DCDC2C: variants seen among roughly 807,000 people sequenced by gnomAD.
DCDC2C encodes doublecortin domain-containing protein 2C.
A neutral mutation model predicts 45.0 loss-of-function variants in DCDC2C; 44 were observed. The observed-to-expected ratio is 0.98, with a 90% CI of 0.77 to 1.26. The LOEUF (loss-of-function observed/expected upper bound fraction) is 1.26. Among genes scored for constraint, DCDC2C ranks in the 50% most tolerant of loss-of-function variants. The probability of loss-of-function intolerance (pLI) is 0.00; values close to 1 mark genes in which losing one functional copy is unlikely to be tolerated. For synonymous variants in DCDC2C, 187 were observed against 178.8 expected (o/e 1.05, Z -0.37); for missense variants, 447 against 468.9 (o/e 0.95, Z 0.43).
At chr2:3,795,019 A>G (rs1670917666) in intron 10 of DCDC2C, among the ~76,000 whole-genome samples, 1 of 152,172 alleles carries the variant, frequency 6.6e-6, no homozygotes, top group South Asian at 2.1e-4. Context: ...CATCCTGTCC[A>G]GCACCTGTTG....
rs1467170257 is a variant in DCDC2C at position 3,780,395 on chromosome 2, G to A, written c.1023+1511G>A. ...TTTGTCATCTGTGCTTAACTGACTT[G>A]TTACGGAAATCTACTCAGGCTGCTG... On this transcript the variant is annotated intron_variant, in intron 9 of 10. Transcript: ENST00000399143. Among the ~76,000 whole-genome samples, 7 of 152,228 alleles carry A rather than the reference G, an allele frequency of 4.6e-5. No individual in the cohort carries two copies. The East Asian group carries it at 1.3e-3, about 29-fold the overall frequency.
chr2:3,725,463 T>TG (rs1668623767), intron 2 of DCDC2C, among the ~76,000 whole-genome samples: 3 of 103,290 alleles, frequency 2.9e-5, no homozygotes, highest in African/African-American at 9.7e-5. Flanking sequence ...GGGAGGAGGC[T>TG]GCCCGGTGGA....
chr2:3,797,121 T>C (rs2148196851), intron 10 of DCDC2C, among the ~76,000 whole-genome samples: 1 of 152,338 alleles, frequency 6.6e-6, no homozygotes, highest in East Asian at 1.9e-4. Flanking sequence ...TCGAGGAATT[T>C]ATCCATTTCT....
At chr2:3,738,015 G>A (rs184089465) in intron 3 of DCDC2C, among the ~76,000 whole-genome samples, 96 of 151,686 alleles carry the variant, frequency 6.3e-4, no homozygotes, top group African/African-American at 2.3e-3. Flanking sequence ...TCATGCCAAT[G>A]GTAAATATAT....
chr2:3,723,394 G>T (rs1039694410), intron 2 of DCDC2C, among the ~76,000 whole-genome samples: 17 of 152,136 alleles, frequency 1.1e-4, no homozygotes, highest in African/African-American at 4.1e-4. Flanking sequence ...ACTTCTTAAA[G>T]TAAGAGGGGC....
At chr2:3,768,299 T>A (rs1670068248) in intron 7 of DCDC2C, among the ~76,000 whole-genome samples, 1 of 152,220 alleles carries the variant, frequency 6.6e-6, no homozygotes, top group African/African-American at 2.4e-5. Flanking sequence ...GAGCTGGTTT[T>A]AAAATGAGAT....
intron 10 of DCDC2C, among the ~76,000 whole-genome samples, chr2:3,844,889 G>A (rs1205550024): frequency 5.3e-5 from 8 of 152,066 alleles, no homozygotes; most frequent in Non-Finnish European, 1.2e-4. Flanking sequence ...CTTTGCGAAC[G>A]GCACATGTTT....
rs1276085641 is a variant in DCDC2C, at chr2:3,734,653, T to C, written c.417-7267T>C. On this transcript the variant is annotated intron_variant, in intron 3 of 10. Transcript: ENST00000399143. This position sits in a 1 kb window ranked among gnomAD's most constrained non-coding sequence, Gnocchi z 4.2. Reference sequence around the variant, plus strand: ...GTCTAATAGGCGACCCAGTTGCAAATGAGACAGGCAGCCTGGACAAGACTG... The same window carrying C: ...GTCTAATAGGCGACCCAGTTGCAAACGAGACAGGCAGCCTGGACAAGACTG... Among the ~76,000 whole-genome samples, 2 of 152,096 alleles carry C rather than the reference T, an allele frequency of 1.3e-5. No homozygotes were observed. The highest frequency in any genetic ancestry group is 4.8e-5 in the African/African-American group (2 of 41,416).
At chr2:3,755,666 CAT>C (rs1381435268) in intron 6 of DCDC2C, among the ~76,000 whole-genome samples, 2 of 151,528 alleles carry the variant, frequency 1.3e-5, no homozygotes, top group Non-Finnish European at 1.5e-5. Context: ...CATATGGATG[CAT>C]ATGTGTGTGG....
intron 4 of DCDC2C, among the ~76,000 whole-genome samples, chr2:3,747,292 C>G (rs546478912): frequency 6.6e-6 from 1 of 152,302 alleles, no homozygotes; most frequent in South Asian, 2.1e-4. Flanking sequence ...CACAAATGTC[C>G]CTTATCCACT....
chr2:3,718,540 C>G (rs1395695797), intron 2 of DCDC2C, among the ~76,000 whole-genome samples: 2 of 152,204 alleles, frequency 1.3e-5, no homozygotes, highest in Admixed American at 6.5e-5. Flanking sequence ...TGAACCTCAC[C>G]TGTGTTCAGC....
At chr2:3,717,432 C>A (rs957024357) in intron 2 of DCDC2C, among the ~76,000 whole-genome samples, 2 of 152,118 alleles carry the variant, frequency 1.3e-5, no homozygotes, top group Non-Finnish European at 2.9e-5. Context: ...CAACCCTTCA[C>A]TCTCCCAGAA....
rs561806285 is a variant in DCDC2C at position 3,818,043 on chromosome 2, A to G, written c.1066-29111A>G. On this transcript the variant is annotated intron_variant, in intron 10 of 10. Coordinates refer to ENST00000399143, the MANE Select transcript of DCDC2C (RefSeq NM_001287444.2). This position sits in a 1 kb window ranked among gnomAD's most constrained non-coding sequence, Gnocchi z 4.7. ...AGAATTATGCCAAAATAGATAATGG[A>G]TGAGGAAGAAATTTGGGCTTTGGAG... Among the ~76,000 whole-genome samples the G allele has an allele frequency of 1.3e-5, 2 of 152,264 alleles. No homozygotes were observed. Among genetic ancestry groups the G allele is most frequent in the East Asian group, 3.9e-4 (2 of 5,184 alleles).
chr2:3,786,417 G>C (rs1359310150), intron 10 of DCDC2C, among the ~76,000 whole-genome samples: 15 of 86,622 alleles, frequency 1.7e-4, no homozygotes, highest in African/African-American at 7.9e-4. Context: ...CCTCCGGTGC[G>C]GGTGTGTCCC....
At chr2:3,832,043 A>T (rs1044338446) in intron 10 of DCDC2C, among the ~76,000 whole-genome samples, 1 of 152,108 alleles carries the variant, frequency 6.6e-6, no homozygotes, top group Non-Finnish European at 1.5e-5. Flanking sequence ...GTGTATCTTC[A>T]TCTGGGTCCT....
intron 3 of DCDC2C, among the ~76,000 whole-genome samples, chr2:3,728,658 A>G (rs1047077103): frequency 5.9e-5 from 9 of 152,218 alleles, no homozygotes; most frequent in African/African-American, 1.7e-4. Flanking sequence ...GTGAGTGCAG[A>G]GTCCTTCCTA....
intron 10 of DCDC2C, among the ~76,000 whole-genome samples, chr2:3,802,369 G>C (rs542177104): frequency 6.6e-6 from 1 of 152,218 alleles, no homozygotes; most frequent in African/African-American, 2.4e-5. Context: ...CAGCATTCCA[G>C]GTGTGGTTAA....
At chr2:3,712,176 G>C (rs1416440560) in intron 2 of DCDC2C, among the ~76,000 whole-genome samples, 2 of 152,058 alleles carry the variant, frequency 1.3e-5, no homozygotes, top group African/African-American at 4.8e-5. Flanking sequence ...GCCTGGAGGG[G>C]ACCGTAAGAG....
chr2:3,720,356 C>T (rs973623184), intron 2 of DCDC2C, among the ~76,000 whole-genome samples: 4 of 151,350 alleles, frequency 2.6e-5, no homozygotes, highest in Admixed American at 2.6e-4. Flanking sequence ...TTCAGAGGAA[C>T]TCACTAAAGC....
Sources: gnomAD v4.1 joint callset for allele counts (sites outside exome capture counted in the v4.1 genomes callset) on GRCh38, gnomAD v4.1.1 for gene constraint, Gnocchi (gnomAD v3.1) non-coding constraint, MANE v1.5 for transcripts, NCBI Gene and HGNC (gene_info 2026-07-23, HGNC 2026-07-21) for gene names.